TBC1D19: variants seen among roughly 807,000 people sequenced by gnomAD.
TBC1D19 encodes TBC1 domain family, member 19.
Under a neutral mutation model 89.0 loss-of-function variants are expected in TBC1D19, and 60 were observed. The ratio of observed to expected loss-of-function variants is 0.67; its 90% CI spans 0.55 to 0.84. TBC1D19 has a LOEUF of 0.84. TBC1D19 is among the 40% of genes least tolerant of loss of function. TBC1D19 has a pLI of 0.00. For missense variants in TBC1D19, 500 were observed against 610.8 expected (o/e 0.82, Z 1.91); for synonymous variants, 189 against 199.7 (o/e 0.95, Z 0.45).
the TBC1D19 span, among the ~76,000 whole-genome samples, chr4:26,853,446 G>T: frequency 6.6e-6 from 1 of 151,994 alleles, no homozygotes; most frequent in East Asian, 1.9e-4. Context: ...TTCCATCAAA[G>T]CAGACATTTT....
intron 7 of TBC1D19, 45 bp downstream of exon 7, chr4:26,640,232 T>A (rs1449387565): frequency 5.7e-6 from 8 of 1,415,660 alleles, no homozygotes; most frequent in Non-Finnish European, 6.9e-6. Flanking sequence ...GAATGAATAA[T>A]GTGAATAAAT....
intron 4 of TBC1D19, among the ~76,000 whole-genome samples, chr4:26,621,559 T>C (rs1157490871): frequency 6.6e-6 from 1 of 152,068 alleles, no homozygotes; most frequent in African/African-American, 2.4e-5. Context: ...CTCTTGAAAA[T>C]TTTCTGCAGA....
chr4:26,735,581 A>C (rs1337912102), intron 16 of TBC1D19, 94 bp downstream of exon 16: 4 of 1,182,964 alleles, frequency 3.4e-6, no homozygotes, highest in Non-Finnish European at 4.6e-6. Flanking sequence ...TAATTGTTTT[A>C]CTATAGTAAA....
chr4:26,694,771 CCAGGCAAA>C (rs1560477322), intron 13 of TBC1D19, among the ~76,000 whole-genome samples: 2 of 152,182 alleles, frequency 1.3e-5, no homozygotes. Flanking sequence ...CTGCTGATAC[CCAGGCAAA>C]CAGGGTCTGG....
chr4:26,658,612 G>A (rs771085031), intron 7 of TBC1D19, among the ~76,000 whole-genome samples: 4 of 151,986 alleles, frequency 2.6e-5, no homozygotes, highest in East Asian at 1.9e-4. Context: ...AGTTTTTTCC[G>A]ATTCTGTGAA....
chr4:26,624,270 T>A (rs1454445864), intron 4 of TBC1D19, among the ~76,000 whole-genome samples: 3 of 152,230 alleles, frequency 2.0e-5, no homozygotes, highest in African/African-American at 7.2e-5. Flanking sequence ...GATGTTATTA[T>A]TGATTACCCC....
At chr4:26,739,773 A>C in intron 16 of TBC1D19, 91 bp from the exon 17 acceptor site, 1 of 752,094 alleles carries the variant, frequency 1.3e-6, no homozygotes, top group South Asian at 2.9e-5. Flanking sequence ...TATGATTACT[A>C]TAAAATAGTG....
At chr4:26,792,965 CA>C in the TBC1D19 span, among the ~76,000 whole-genome samples, 2 of 152,214 alleles carry the variant, frequency 1.3e-5, no homozygotes, top group Admixed American at 6.5e-5. Flanking sequence ...AAAAATTAAG[CA>C]ATTCTGCCTT....
intron 19 of TBC1D19, among the ~76,000 whole-genome samples, chr4:26,752,820 A>G (rs575121727): frequency 8.5e-5 from 13 of 152,228 alleles, no homozygotes; most frequent in African/African-American, 3.1e-4. Context: ...AAAATAATCC[A>G]AATGCTGTTT....
the TBC1D19 span, among the ~76,000 whole-genome samples, chr4:26,853,027 A>T: frequency 6.6e-6 from 1 of 152,244 alleles, no homozygotes; most frequent in Non-Finnish European, 1.5e-5. Context: ...CGCTCCTACC[A>T]TGAAGCAACC....
chr4:26,582,849 G>A (rs1204825806), upstream of TBC1D19, among the ~76,000 whole-genome samples: 1 of 152,174 alleles, frequency 6.6e-6, no homozygotes, highest in East Asian at 1.9e-4. Context: ...TGTTATAAAT[G>A]TCAGAGTGCT....
At chr4:26,851,315 A>ATCTATCTGTCTGTCTGTCTG in the TBC1D19 span, among the ~76,000 whole-genome samples, 14 of 143,314 alleles carry the variant, frequency 9.8e-5, no homozygotes, top group African/African-American at 1.8e-4. Context: ...CTATCTATCT[A>ATCTATCTGTCTGTCTGTCTG]TCTATCTATC....
intron 10 of TBC1D19, 73 bp from the exon 11 acceptor site, chr4:26,673,703 T>A (rs922640577): frequency 1.1e-6 from 1 of 950,946 alleles, no homozygotes; most frequent in African/African-American, 1.6e-5. Flanking sequence ...CCCAAAAGAT[T>A]TATAATTGAA....
chr4:26,599,429 T>A (rs1278952895), intron 1 of TBC1D19, among the ~76,000 whole-genome samples: 3 of 152,216 alleles, frequency 2.0e-5, no homozygotes. Flanking sequence ...CCAACTTAGT[T>A]GGAAATATAA....
intron 7 of TBC1D19, among the ~76,000 whole-genome samples, chr4:26,652,173 TC>T (rs1415808564): frequency 6.6e-6 from 1 of 152,126 alleles, no homozygotes. Flanking sequence ...TCCAAAATTC[TC>T]TTTTTTTGTT....
chr4:26,826,089 C>A, the TBC1D19 span, among the ~76,000 whole-genome samples: 2 of 152,170 alleles, frequency 1.3e-5, no homozygotes, highest in African/African-American at 4.8e-5. Context: ...GTAATCCCAG[C>A]TACACAGGAG....
At chr4:26,767,144 T>C in the TBC1D19 span, among the ~76,000 whole-genome samples, 3 of 152,260 alleles carry the variant, frequency 2.0e-5, no homozygotes, top group African/African-American at 7.2e-5. Flanking sequence ...TACCCCAGCC[T>C]GGGTGACAGA....
At chr4:26,745,122 T>C (rs942599910) in intron 18 of TBC1D19, among the ~76,000 whole-genome samples, 7 of 152,110 alleles carry the variant, frequency 4.6e-5, no homozygotes, top group African/African-American at 1.7e-4. Flanking sequence ...ATGTCTGATA[T>C]TAATATAGCC....
chr4:26,736,773 A>G (rs1163919268), intron 16 of TBC1D19, among the ~76,000 whole-genome samples: 1 of 152,222 alleles, frequency 6.6e-6, no homozygotes, highest in Non-Finnish European at 1.5e-5. Context: ...ACTTATATGC[A>G]CAGCCACAAT....
Sources: gnomAD v4.1 joint callset for allele counts (sites outside exome capture counted in the v4.1 genomes callset) on GRCh38, gnomAD v4.1.1 for gene constraint, MANE v1.5 for transcripts, NCBI Gene and HGNC (gene_info 2026-07-23, HGNC 2026-07-21) for gene names.